Variants in USP34 observed in about 807,000 individuals in gnomAD.
The protein encoded by USP34 is ubiquitin specific peptidase 34, also known as ubiquitin carboxyl-terminal hydrolase 34.
USP34 carries 70 observed loss-of-function variants against 460.3 expected under a neutral mutation model. The ratio of observed to expected loss-of-function variants is 0.15; its 90% CI spans 0.13 to 0.19. The LOEUF is 0.19. Ranked by LOEUF, USP34 falls within the 10% of genes least tolerant of loss-of-function variation. The probability of loss-of-function intolerance (pLI) is 1.00; values close to 1 mark genes in which losing one functional copy is unlikely to be tolerated. For synonymous variants in USP34, 1,647 were observed against 1,405.3 expected (o/e 1.17, Z -3.85); for missense variants, 3,985 against 4,236.2 (o/e 0.94, Z 1.65).
intron 53 of USP34, among the ~76,000 whole-genome samples, 191 bp downstream of exon 53, chr2:61,241,369 A>T (rs539475495): frequency 6.6e-6 from 1 of 151,654 alleles, no homozygotes; most frequent in East Asian, 1.9e-4. Context: ...GATATTTTCT[A>T]CTCCATTTAA....
rs776334437 is a variant in USP34 at position 61,246,495 on chromosome 2, G to A, written c.6395-18C>T. 8.2e-6 allele frequency: 12 copies of A among 1,470,802 alleles called. No homozygotes were observed. The South Asian group carries it at 1.5e-4, about 18-fold the overall frequency. The allele number at this position is 1,470,802 out of a possible 1,614,324, so 91.1% of individuals were successfully genotyped here. A position where few individuals can be genotyped will look rare whatever the true frequency, so the allele number is the denominator to read the frequency against. ...TTTAAAACCTGAAATGATTTACACA[G>A]AATGGAAATAATTTTCCAAACTTCA... On this transcript the variant is annotated intron_variant, in intron 49 of 79. Transcript: ENST00000398571.
intron 1 of USP34, among the ~76,000 whole-genome samples, chr2:61,449,536 A>C (rs1451470306): frequency 3.3e-5 from 5 of 151,966 alleles, no homozygotes; most frequent in East Asian, 1.9e-4. Context: ...CAAAAAAAAA[A>C]CAAAGATTTA....
chr2:61,318,540 G>C (rs1253242419), intron 22 of USP34, among the ~76,000 whole-genome samples: 2 of 152,184 alleles, frequency 1.3e-5, no homozygotes, highest in African/African-American at 4.8e-5. Context: ...ACTTTGCAGA[G>C]AGACTTCATA....
chr2:61,207,200 A>C, intron 70 of USP34: 1 of 188,048 alleles, frequency 5.3e-6, no homozygotes, highest in Non-Finnish European at 1.1e-5. Flanking sequence ...TAGGTCACAA[A>C]AGATTAGGGA....
intron 75 of USP34, among the ~76,000 whole-genome samples, chr2:61,201,386 T>A (rs777549344): frequency 3.3e-5 from 5 of 151,978 alleles, no homozygotes; most frequent in Non-Finnish European, 5.9e-5. Flanking sequence ...CCTAGCTAAT[T>A]TTTTTATTTT....
chr2:61,219,555 G>T (rs981850898), intron 67 of USP34, among the ~76,000 whole-genome samples: 2 of 151,776 alleles, frequency 1.3e-5, no homozygotes, highest in African/African-American at 4.8e-5. Flanking sequence ...CCTGTTATCT[G>T]AGCTACTCAG....
rs950083452 is a variant in USP34 at position 61,211,875 on chromosome 2, T to C, written c.8737A>G (p.Met2913Val). Reference sequence around the variant, plus strand: ...ATATCTTCTAATTCTTCTTCTCTCATATCTGGCCTCTGAGCTATAAACAGC... The same window carrying C: ...ATATCTTCTAATTCTTCTTCTCTCACATCTGGCCTCTGAGCTATAAACAGC... ...MQLFIAQRPD[M>V]REEELEDIKQ... Residue 2913 changes from methionine to valine, a missense_variant, in exon 69 of 80, where the codon ATG becomes GTG. Physicochemically the swap from Met to Val is conservative, Grantham distance 21. This residue lies in a region of USP34 where 275 missense variants were observed against 292.7 expected (regional missense o/e 0.94). Coordinates refer to ENST00000398571, the MANE Select transcript of USP34 (RefSeq NM_014709.4). 9.9e-6 allele frequency: 16 copies of C among 1,610,222 alleles called. No homozygotes were observed. The highest frequency in any genetic ancestry group is 1.7e-5 in the Admixed American group (1 of 59,244).
intron 1 of USP34, among the ~76,000 whole-genome samples, chr2:61,464,567 G>A (rs1558611145): frequency 6.6e-6 from 1 of 150,456 alleles, no homozygotes; most frequent in Non-Finnish European, 1.5e-5. Context: ...CGAATACACA[G>A]AGTAAAATCT....
intron 47 of USP34, 42 bp downstream of exon 47, chr2:61,256,831 G>A: frequency 1.4e-6 from 2 of 1,451,116 alleles, no homozygotes; most frequent in Non-Finnish European, 1.9e-6. Flanking sequence ...ACACAAATAG[G>A]TAAAAGCATA....
At chr2:61,420,087 C>T (rs927389000) in intron 2 of USP34, among the ~76,000 whole-genome samples, 1 of 152,186 alleles carries the variant, frequency 6.6e-6, no homozygotes, top group Non-Finnish European at 1.5e-5. Flanking sequence ...TTATGTATCA[C>T]TGCATTTAAC....
At position 61,208,947 on chromosome 2, in the gene USP34, T is replaced by C; in HGVS notation, c.8871A>G (p.Glu2957=). Residue 2957 remains glutamate (E), a synonymous_variant, in exon 70 of 80, where the codon GAA becomes GAG. Transcript: ENST00000398571. ...SAFRILLESD[E]DRLLVVFNRG... Reference sequence around the variant, plus strand: ...GATTAAATACAACAAGAAGTCTGTCTTCATCAGATTCTAATAGTATTCTGA... The same window carrying C: ...GATTAAATACAACAAGAAGTCTGTCCTCATCAGATTCTAATAGTATTCTGA... The C allele has an allele frequency of 6.3e-7, 1 of 1,596,446 alleles. No homozygotes were observed.
At position 61,211,936 on chromosome 2, in the gene USP34, A is replaced by T; in HGVS notation, c.8683-7T>A. The stretch of plus-strand genomic sequence containing the variant: ...TAAACAGTTCTTCTACTGCCTAAAA[A>T]AGCCAAATAAGCCATATGATCTTTT... On this transcript the variant is annotated splice_polypyrimidine_tract_variant and splice_region_variant and intron_variant, in intron 68 of 79. Coordinates refer to ENST00000398571, the MANE Select transcript of USP34 (RefSeq NM_014709.4). The T allele has an allele frequency of 6.3e-7, 1 of 1,596,800 alleles. No homozygotes were observed. Among genetic ancestry groups the T allele is most frequent in the Non-Finnish European group, 8.5e-7 (1 of 1,175,490 alleles).
intron 62 of USP34, among the ~76,000 whole-genome samples, chr2:61,223,956 C>A (rs1687661133): frequency 6.6e-6 from 1 of 152,188 alleles, no homozygotes; most frequent in Non-Finnish European, 1.5e-5. Context: ...CCCATCCACT[C>A]AATATGAATT....
intron 43 of USP34, 196 bp downstream of exon 43, chr2:61,265,201 A>G (rs186497001): frequency 6.3e-5 from 37 of 583,214 alleles, no homozygotes; most frequent in East Asian, 1.6e-4. Flanking sequence ...TGAGAACTAA[A>G]CTGTACTACA....
intron 69 of USP34, 83 bp from the exon 70 acceptor site, chr2:61,209,060 A>C (rs1687199478): frequency 3.7e-6 from 3 of 812,074 alleles, no homozygotes; most frequent in Non-Finnish European, 5.5e-6. Context: ...AAGAAATAAA[A>C]TCATCATTTA....
intron 19 of USP34, among the ~76,000 whole-genome samples, chr2:61,332,229 A>G (rs1436100174): frequency 1.3e-5 from 2 of 152,092 alleles, no homozygotes; most frequent in African/African-American, 2.4e-5. Context: ...ACTATGGGCC[A>G]TTAGAACGAG....
At chr2:61,338,165 A>T (rs1243868997) in intron 18 of USP34, among the ~76,000 whole-genome samples, 2 of 152,180 alleles carry the variant, frequency 1.3e-5, no homozygotes, top group Non-Finnish European at 2.9e-5. Flanking sequence ...CTATGAAAGT[A>T]CAAAAATTAG....
intron 10 of USP34, among the ~76,000 whole-genome samples, chr2:61,358,893 C>G (rs978407643): frequency 1.3e-5 from 2 of 152,064 alleles, no homozygotes; most frequent in Admixed American, 1.3e-4. Context: ...TACTCAGGAA[C>G]AAATCTAACC....
At chr2:61,211,126 G>C (rs1687262543) in intron 69 of USP34, among the ~76,000 whole-genome samples, 1 of 152,110 alleles carries the variant, frequency 6.6e-6, no homozygotes, top group African/African-American at 2.4e-5. Flanking sequence ...CCTCATCTTA[G>C]ATTGAGTAGC....
Sources: allele counts gnomAD v4.1 joint callset (sites outside exome capture counted in the v4.1 genomes callset), GRCh38; gene constraint gnomAD v4.1.1; regional missense constraint gnomAD v4.1.1; transcripts MANE v1.5; gene names NCBI Gene and HGNC (gene_info 2026-07-23, HGNC 2026-07-21).